Variants in MYCBPAP observed in about 807,000 individuals in gnomAD.
MYCBPAP encodes MYCBP-associated protein.
A neutral mutation model predicts 106.1 loss-of-function variants in MYCBPAP; 60 were observed. The observed-to-expected ratio is 0.57, with a 90% CI of 0.46 to 0.70. MYCBPAP has a LOEUF of 0.70. Ranked by LOEUF, MYCBPAP falls within the 30% of genes least tolerant of loss-of-function variation. The pLI, the probability that MYCBPAP is intolerant of heterozygous loss-of-function variation, is 0.00. For synonymous variants in MYCBPAP, 407 were observed against 440.6 expected (o/e 0.92, Z 0.95); for missense variants, 1,064 against 1,169.3 (o/e 0.91, Z 1.31).
chr17:50,516,252 A>G (rs2034046430), intron 1 of MYCBPAP, among the ~76,000 whole-genome samples: 1 of 152,044 alleles, frequency 6.6e-6, no homozygotes, highest in Non-Finnish European at 1.5e-5. Flanking sequence ...AGCCTCCTAA[A>G]GTGCTGGGAT....
At position 50,522,123 on chromosome 17, in the gene MYCBPAP, A is replaced by G. The variant is rs1296309239; in HGVS notation, c.1257+42A>G. 3.2e-6 allele frequency: 5 copies of G among 1,553,336 alleles called. No individual in the cohort carries two copies. The Admixed American group carries it at 5.0e-5, about 16-fold the overall frequency. Reference sequence around the variant, plus strand: ...CACACCTGCTGGGAGAGCCTCCCTCAGGGGTGCAGCCCTGAGGTGACTGGC... The same window carrying G: ...CACACCTGCTGGGAGAGCCTCCCTCGGGGGTGCAGCCCTGAGGTGACTGGC... On this transcript the variant is annotated intron_variant, in intron 10 of 18. Transcript: ENST00000323776.
chr17:50,512,415 T>C (rs1330536436), intron 1 of MYCBPAP, among the ~76,000 whole-genome samples: 2 of 152,158 alleles, frequency 1.3e-5, no homozygotes, highest in Non-Finnish European at 1.5e-5. Flanking sequence ...TGCCCCTTGC[T>C]TTGCTTGGAC....
intron 12 of MYCBPAP, 76 bp from the exon 13 acceptor site, chr17:50,524,801 G>A: frequency 6.5e-7 from 1 of 1,528,270 alleles, no homozygotes; most frequent in Non-Finnish European, 8.9e-7. Context: ...CAAAGTCCTG[G>A]GGGCTCCAAC....
intron 1 of MYCBPAP, 99 bp from the exon 2 acceptor site, chr17:50,516,471 G>A: frequency 1.5e-6 from 2 of 1,369,690 alleles, no homozygotes; most frequent in Non-Finnish European, 1.9e-6. Context: ...CCCCCACCAT[G>A]GAGTCTAGTA....
At chr17:50,518,440 GCAGTGGGATAA>G in intron 4 of MYCBPAP, 90 bp from the exon 5 acceptor site, 1 of 1,015,026 alleles carries the variant, frequency 9.9e-7, no homozygotes, top group Non-Finnish European at 1.4e-6. Context: ...GACTCTCAGC[GCAGTGGGATAA>G]CAGCACGGGT....
chr17:50,527,328 G>A lies in MYCBPAP; in HGVS notation c.2211G>A (p.Ala737=), dbSNP rs144834229. Residue 737 remains alanine (A), a synonymous_variant, in exon 15 of 19, where the codon GCG becomes GCA. Coordinates refer to ENST00000323776, the MANE Select transcript of MYCBPAP (RefSeq NM_032133.6). The part of the protein sequence containing the change: ...VLPDENHRED[A]LMRLNKAALE... Reference sequence around the variant, plus strand: ...CTGATGAGAACCACAGAGAGGATGCGTTGATGAGGCTCAACAAAGCAGCCC... The same window carrying A: ...CTGATGAGAACCACAGAGAGGATGCATTGATGAGGCTCAACAAAGCAGCCC... 2.7e-5 allele frequency: 43 copies of A among 1,614,030 alleles called. No homozygotes were observed. The highest frequency in any genetic ancestry group is 6.7e-5 in the East Asian group (3 of 44,890).
Position 50,519,585 on chromosome 17 carries a change from C to T in MYCBPAP, c.769-55C>T, listed in dbSNP as rs2034181827. 34 of 1,603,116 alleles carry T rather than the reference C, an allele frequency of 2.1e-5. No homozygotes were observed. In the South Asian group the frequency reaches 3.1e-4, roughly 15 times the overall value. Reference sequence around the variant, plus strand: ...GTGCTCTTGTCTTCCCACATCTCCACCAGCATCTGGCTGAGGTGTCCTGGT... The same window carrying T: ...GTGCTCTTGTCTTCCCACATCTCCATCAGCATCTGGCTGAGGTGTCCTGGT... On this transcript the variant is annotated intron_variant, in intron 6 of 18. Coordinates refer to ENST00000323776, the MANE Select transcript of MYCBPAP (RefSeq NM_032133.6).
At chr17:50,519,586 C>T in intron 6 of MYCBPAP, 54 bp from the exon 7 acceptor site, 3 of 1,603,544 alleles carry the variant, frequency 1.9e-6, no homozygotes, top group Non-Finnish European at 2.6e-6. Flanking sequence ...ACATCTCCAC[C>T]AGCATCTGGC....
intron 18 of MYCBPAP, among the ~76,000 whole-genome samples, chr17:50,530,496 C>CTAAAAAAAAAAAAAA (rs1567899333): frequency 5.1e-4 from 8 of 15,576 alleles, no homozygotes; most frequent in African/African-American, 2.0e-3. Context: ...ACTCTTACCT[C>CTAAAAAAAAAAAAAA]CAAAAAAAAA....
intron 1 of MYCBPAP, chr17:50,509,536 CTGTGTGTGTGTGTG>C (rs71353648): frequency 1.9e-4 from 28 of 151,162 alleles, no homozygotes; most frequent in Admixed American, 6.1e-4. Flanking sequence ...CTTTTTTTTT[CTGTGTGTGTGTGTG>C]TGTGTGTGTG....
intron 1 of MYCBPAP, chr17:50,509,007 G>A (rs1416504085): frequency 1.4e-6 from 1 of 702,768 alleles, no homozygotes; most frequent in Non-Finnish European, 2.6e-6. Flanking sequence ...ACTGGCTGGG[G>A]AGATGGCCTT....
rs1470026068 is a variant in MYCBPAP at position 50,510,491 on chromosome 17, G to GTCTA, written c.76+1742_76+1743insCTAT. ...TGTATATATGTGTGTGTGTGTGTGT[G>GTCTA]TGTGTGTGTATATATATATATATAT... On this transcript the variant is annotated intron_variant, in intron 1 of 18. Transcript: ENST00000323776. The GTCTA allele has an allele frequency of 5.4e-4, 61 of 113,814 alleles. 2 individuals carry two copies. The highest frequency in any genetic ancestry group is 1.8e-3 in the African/African-American group (58 of 32,066). 7.1% of individuals were successfully genotyped at this position (113,814 alleles called of 1,614,324 possible). A position where few individuals can be genotyped will look rare whatever the true frequency, so the allele number is the denominator to read the frequency against.
Position 50,522,994 on chromosome 17 carries a change from C to A in MYCBPAP, c.1313C>A (p.Thr438Asn), listed in dbSNP as rs757577064. ...TTTGAAACCCTAGAAGGCGAGAAAA[C>A]CTCCTCAGAACTGACTGTGGTCAAT... ...LTFETLEGEK[T>N]SSELTVVNNG... The change falls in exon 11 of 19, where the codon ACC (threonine) becomes AAC (asparagine). Residue 438 changes from threonine to asparagine, a missense_variant. Transcript: ENST00000323776. The A allele has an allele frequency of 6.2e-7, 1 of 1,613,888 alleles. No homozygotes were observed. Among genetic ancestry groups the A allele is most frequent in the South Asian group, 1.1e-5 (1 of 91,080 alleles).
chr17:50,522,720 ATATATT>A lies in MYCBPAP; in HGVS notation c.1258-217_1258-212del, dbSNP rs1279988512. 4.5e-3 allele frequency: 577 copies of A among 127,628 alleles called. 52 individuals are homozygous for A. Among genetic ancestry groups the A allele is most frequent in the Non-Finnish European group, 6.4e-3 (415 of 64,342 alleles). 7.9% of individuals were successfully genotyped at this position (127,628 alleles called of 1,614,324 possible). A position where few individuals can be genotyped will look rare whatever the true frequency, so the allele number is the denominator to read the frequency against. The stretch of plus-strand genomic sequence containing the variant: ...AAAAAAAAAAAAAAAATATATATAT[ATATATT>A]TGTTTTATCTTCTCTTCTTGCTATT... On this transcript the variant is annotated intron_variant, in intron 10 of 18. Transcript: ENST00000323776.
At chr17:50,522,709 A>AAAAAAATATATATATATATATATATATAT in intron 10 of MYCBPAP, 1 of 50,010 alleles carries the variant, frequency 2.0e-5, no homozygotes, top group Non-Finnish European at 3.4e-5. Flanking sequence ...AAAAAAAAAA[A>AAAAAAATATATATATATATATATATATAT]ATATATATAT....
intron 14 of MYCBPAP, 35 bp downstream of exon 14, chr17:50,526,302 A>C: frequency 6.5e-7 from 1 of 1,543,946 alleles, no homozygotes; most frequent in East Asian, 2.2e-5. Flanking sequence ...ATGGTAGAGA[A>C]TATTCCTGCC....
chr17:50,509,147 A>G (rs2033729242), intron 1 of MYCBPAP: 1 of 702,838 alleles, frequency 1.4e-6, no homozygotes, highest in Non-Finnish European at 2.6e-6. Flanking sequence ...GGAAGAGGAA[A>G]GAATGAAGTG....
intron 1 of MYCBPAP, chr17:50,509,148 G>T: frequency 1.4e-6 from 1 of 702,942 alleles, no homozygotes; most frequent in Non-Finnish European, 2.6e-6. Context: ...GAAGAGGAAA[G>T]AATGAAGTGT....
intron 11 of MYCBPAP, 50 bp from the exon 12 acceptor site, chr17:50,523,547 G>A: frequency 6.3e-7 from 1 of 1,590,956 alleles, no homozygotes; most frequent in East Asian, 2.2e-5. Context: ...TAGGCCTGGG[G>A]CTCAGCCAGC....
Sources: allele counts gnomAD v4.1 joint callset (sites outside exome capture counted in the v4.1 genomes callset), GRCh38; gene constraint gnomAD v4.1.1; transcripts MANE v1.5; gene names NCBI Gene and HGNC (gene_info 2026-07-23, HGNC 2026-07-21).